The following NBEA variants were observed in gnomAD, a reference collection of about 807,000 sequenced individuals.
NBEA encodes neurobeachin, also known as lysosomal-trafficking regulator 2.
Under a neutral mutation model 343.4 loss-of-function variants are expected in NBEA, and 44 were observed. That is an observed-to-expected ratio of 0.13 (90% CI 0.10 to 0.16). The LOEUF (loss-of-function observed/expected upper bound fraction) is 0.16, where lower values mean the gene tolerates loss of function less well. Among genes scored for constraint, NBEA ranks in the 10% least tolerant of loss-of-function variants. The pLI is 1.00. For synonymous variants in NBEA, 1,175 were observed against 1,238.7 expected (o/e 0.95, Z 1.08); for missense variants, 2,555 against 3,631.3 (o/e 0.70, Z 7.62).
At chr13:35,176,955 T>C in intron 27 of NBEA, 41 bp from the exon 28 acceptor site, 1 of 1,251,192 alleles carries the variant, frequency 8.0e-7, no homozygotes, top group Non-Finnish European at 1.1e-6. Context: ...ATATATTATC[T>C]GTAATATATT....
intron 38 of NBEA, among the ~76,000 whole-genome samples, chr13:35,366,725 T>G (rs2041140675): frequency 6.6e-6 from 1 of 150,648 alleles, no homozygotes; most frequent in Non-Finnish European, 1.5e-5. Context: ...ACTGAGGAAA[T>G]TGGAAAACTG....
chr13:35,022,205 T>G (rs536701051), intron 1 of NBEA, among the ~76,000 whole-genome samples: 10 of 152,150 alleles, frequency 6.6e-5, no homozygotes, highest in African/African-American at 2.4e-4. Flanking sequence ...TCTATTGTTA[T>G]AGACATATAA....
intron 40 of NBEA, among the ~76,000 whole-genome samples, chr13:35,470,492 T>A (rs147134054): frequency 7.2e-5 from 11 of 152,324 alleles, no homozygotes; most frequent in Middle Eastern, 3.4e-3. Context: ...GAAACCTCTG[T>A]TAAACTATAA....
chr13:35,083,275 A>T (rs867786486), intron 10 of NBEA, among the ~76,000 whole-genome samples: 1 of 152,052 alleles, frequency 6.6e-6, no homozygotes, highest in African/African-American at 2.4e-5. Flanking sequence ...CCATTGGTCT[A>T]TATCTCTGTT....
intron 45 of NBEA, among the ~76,000 whole-genome samples, chr13:35,583,054 T>C (rs1417738530): frequency 6.6e-6 from 1 of 152,220 alleles, no homozygotes; most frequent in Non-Finnish European, 1.5e-5. Flanking sequence ...AATAATGTGC[T>C]TATTTGATAC....
chr13:35,174,561 G>A (rs1271710673), intron 27 of NBEA, among the ~76,000 whole-genome samples: 2 of 151,972 alleles, frequency 1.3e-5, no homozygotes, highest in Non-Finnish European at 2.9e-5. Flanking sequence ...TATCCTATTC[G>A]TTGGTTATTT....
chr13:35,593,340 A>G lies in NBEA; in HGVS notation c.7189A>G (p.Thr2397Ala). Residue 2397 changes from threonine to alanine, a missense_variant, in exon 47 of 59, where the codon ACC (threonine) becomes GCC (alanine). Physicochemically the swap from Thr to Ala is moderately conservative, Grantham distance 58. This residue lies in a region of NBEA where 156 missense variants were observed against 185.8 expected (regional missense o/e 0.84). Transcript: ENST00000379939. The stretch of plus-strand genomic sequence containing the variant: ...TTTTTTTGCTTAGGAACCTTTCACA[A>G]CCTTCTTCCTCAATGCAAATGATGG... ...SWLVRIEPFT[T>A]FFLNANDGKF... 2 of 1,612,436 alleles carry G rather than the reference A, an allele frequency of 1.2e-6. No individual in the cohort carries two copies.
intron 33 of NBEA, among the ~76,000 whole-genome samples, chr13:35,215,519 TAAA>T (rs2074017853): frequency 6.6e-6 from 1 of 151,722 alleles, no homozygotes; most frequent in Non-Finnish European, 1.5e-5. Context: ...TAATTTATCT[TAAA>T]AAATAGCAAA....
chr13:35,117,558 T>G, intron 14 of NBEA, 65 bp downstream of exon 14: 5 of 735,956 alleles, frequency 6.8e-6, no homozygotes, highest in Non-Finnish European at 9.4e-6. Context: ...CTGGCATGTT[T>G]TAAAATTATT....
chr13:35,005,430 A>G (rs962689242), intron 1 of NBEA, among the ~76,000 whole-genome samples: 3 of 152,096 alleles, frequency 2.0e-5, no homozygotes, highest in Admixed American at 2.0e-4. Flanking sequence ...ACCAATACAA[A>G]CATGAAGGTC....
chr13:35,566,474 C>T (rs145241430), intron 44 of NBEA, among the ~76,000 whole-genome samples: 96 of 152,286 alleles, frequency 6.3e-4, no homozygotes, highest in African/African-American at 2.3e-3. Context: ...CTCTGACTGG[C>T]AAGGCTCTGC....
At chr13:35,478,535 C>T (rs117008272) in intron 41 of NBEA, among the ~76,000 whole-genome samples, 1 of 152,386 alleles carries the variant, frequency 6.6e-6, no homozygotes, top group African/African-American at 2.4e-5. Flanking sequence ...TCTCTCGCTG[C>T]TCCGCATTCC....
intron 35 of NBEA, among the ~76,000 whole-genome samples, chr13:35,298,209 G>GTATATATATATATA (rs1462332460): frequency 1.6e-5 from 1 of 60,834 alleles, no homozygotes; most frequent in African/African-American, 4.1e-5. Context: ...GTGTGTGTGT[G>GTATATATATATATA]TGTATATATA....
At chr13:35,070,186 C>G in intron 9 of NBEA, 81 bp downstream of exon 9, 1 of 1,269,444 alleles carries the variant, frequency 7.9e-7, no homozygotes, top group Non-Finnish European at 1.0e-6. Flanking sequence ...CATTGCTCAT[C>G]TATAAATCTA....
At chr13:35,594,153 G>A (rs1003481084) in intron 47 of NBEA, among the ~76,000 whole-genome samples, 1 of 151,806 alleles carries the variant, frequency 6.6e-6, no homozygotes. Context: ...TGATAATAAG[G>A]TTACATGGCC....
intron 9 of NBEA, 91 bp downstream of exon 9, chr13:35,070,196 A>G (rs990244475): frequency 3.2e-5 from 41 of 1,269,750 alleles, no homozygotes; most frequent in Admixed American, 7.0e-5. Flanking sequence ...CTATAAATCT[A>G]TGATTTTTTT....
intron 1 of NBEA, among the ~76,000 whole-genome samples, chr13:35,010,470 A>G (rs887333733): frequency 4.6e-5 from 7 of 150,914 alleles, no homozygotes; most frequent in African/African-American, 1.7e-4. Flanking sequence ...AGTCCCAGCT[A>G]CTTGGGAGGC....
At chr13:35,583,570 G>A (rs1309550946) in intron 45 of NBEA, among the ~76,000 whole-genome samples, 3 of 152,024 alleles carry the variant, frequency 2.0e-5, no homozygotes, top group Non-Finnish European at 4.4e-5. Context: ...TTTTCATTAT[G>A]TAGCTTATTA....
intron 41 of NBEA, among the ~76,000 whole-genome samples, chr13:35,492,379 G>T (rs535756355): frequency 2.0e-5 from 3 of 151,856 alleles, no homozygotes; most frequent in Admixed American, 6.6e-5. Flanking sequence ...AAATGCAAGA[G>T]ATAGTATGGT....
Sources: gnomAD v4.1 joint callset for allele counts (sites outside exome capture counted in the v4.1 genomes callset) on GRCh38, gnomAD v4.1.1 for gene constraint, gnomAD v4.1.1 regional missense constraint, MANE v1.5 for transcripts, NCBI Gene and HGNC (gene_info 2026-07-23, HGNC 2026-07-21) for gene names.